Variants in ZNF219 observed in about 807,000 individuals in gnomAD.
ZNF219 encodes zinc finger protein 219.
In ZNF219, 17 loss-of-function variants were observed where a neutral mutation model predicts 54.4. The ratio of observed to expected loss-of-function variants is 0.31; its 90% confidence interval spans 0.21 to 0.47. The LOEUF is 0.47. ZNF219 is among the 20% of genes least tolerant of loss of function. ZNF219 has a pLI of 1.00. For missense variants in ZNF219, 1,014 were observed against 1,062.3 expected (o/e 0.95, Z 0.63); for synonymous variants, 518 against 476.4 (o/e 1.09, Z -1.14).
chr14:21,095,251 G>A (rs946181529), intron 1 of ZNF219, among the ~76,000 whole-genome samples: 1 of 152,126 alleles, frequency 6.6e-6, no homozygotes, highest in Non-Finnish European at 1.5e-5. Flanking sequence ...GTCACTAGAC[G>A]ACCTCCACTA....
chr14:21,093,024 G>GCCGCAGTGA lies in ZNF219; in HGVS notation c.264_272dup (p.Cys90_His92dup). ...GCAGAGCCCGCTGCGCCGCGCGGTG[G>GCCGCAGTGA]CCGCAGTGAGGGCACTGGAAGGCCT... On this transcript the variant is annotated inframe_insertion, in exon 3 of 5. Transcript: ENST00000360947. The GCCGCAGTGA allele has an allele frequency of 6.3e-7, 1 of 1,599,032 alleles. No individual in the cohort carries two copies. The highest frequency in any genetic ancestry group is 1.7e-4 in the Middle Eastern group (1 of 6,050).
chr14:21,102,636 G>A (rs1241410867), upstream of ZNF219: 1 of 1,551,296 alleles, frequency 6.4e-7, no homozygotes, highest in East Asian at 2.4e-5. Flanking sequence ...CCTGCAGCAT[G>A]CTGGCTTGCT....
intron 1 of ZNF219, chr14:21,093,970 A>G (rs1594600807): frequency 2.6e-6 from 1 of 384,816 alleles, no homozygotes; most frequent in South Asian, 2.2e-5. Context: ...CCATCACAAT[A>G]TGCCCCTCTC....
rs1169156944 is a variant in ZNF219, at chr14:21,092,257, G to A, written c.1040C>T (p.Pro347Leu). 6.8e-7 allele frequency: 1 copy of A among 1,472,014 alleles called. No homozygotes were observed. Among genetic ancestry groups the A allele is most frequent in the South Asian group, 1.4e-5 (1 of 73,840 alleles). 91.2% of individuals were successfully genotyped at this position (1,472,014 alleles called of 1,614,324 possible). A position where few individuals can be genotyped will look rare whatever the true frequency, so the allele number is the denominator to read the frequency against. The part of the protein sequence containing the change: ...ASGPARAPQP[P>L]DLGLLAYEPL... ...CTCATAGGCCAGCAGGCCGAGGTCAGGAGGCTGGGGGGCGCGGGCAGGCCC... is the reference window on the plus strand; with the variant it reads ...CTCATAGGCCAGCAGGCCGAGGTCAAGAGGCTGGGGGGCGCGGGCAGGCCC... The change falls in exon 3 of 5, where the codon CCT becomes CTT. Residue 347 changes from proline to leucine, a missense_variant. By Grantham distance (98) the Pro-to-Leu change is moderately conservative. Around this residue, in one of 5 missense-constraint regions of ZNF219, gnomAD observed 272 missense variants for 248.9 expected, o/e 1.09. Transcript: ENST00000360947.
rs1189016881 is a variant in ZNF219 at position 21,093,208 on chromosome 14, G to T, written c.89C>A (p.Ser30Tyr). 1.9e-6 allele frequency: 3 copies of T among 1,606,476 alleles called. No individual in the cohort carries two copies. ...FDGELDLQRY[S>Y]NGPAVSAGSL... ...CCCTGCGCTCACGGCTGGCCCGTTGGAGTATCGCTGCAGATCCAGCTCGCC... is the reference window on the plus strand; with the variant it reads ...CCCTGCGCTCACGGCTGGCCCGTTGTAGTATCGCTGCAGATCCAGCTCGCC... Residue 30 changes from serine to tyrosine, a missense_variant, in exon 3 of 5, where the codon TCC (serine) becomes TAC (tyrosine). Ser to Tyr is a moderately radical substitution (Grantham distance 144). This residue lies in a region of ZNF219 where 395 missense variants were observed against 415.1 expected (regional missense o/e 0.95). Transcript: ENST00000360947.
At chr14:21,093,873 T>C (rs1347534393) in intron 1 of ZNF219, 199 bp from the exon 2 acceptor site, 1 of 560,380 alleles carries the variant, frequency 1.8e-6, no homozygotes, top group Non-Finnish European at 3.2e-6. Flanking sequence ...TCCCAGATAA[T>C]CCAGATTTCT....
In ZNF219 at chr14:21,090,377, C is replaced by T. The variant is rs1888730142; in HGVS notation, c.*159G>A. On this transcript the variant is annotated 3_prime_UTR_variant, in exon 5 of 5. Transcript: ENST00000360947. The surrounding 1 kb of genome is among the most constrained non-coding windows in gnomAD (Gnocchi z 4.4). Reference sequence around the variant, plus strand: ...CCTTGGGCTGGGTGGGTACCGCCAGCCCACCCTCCTACGCCCGCCGCGCCT... The same window carrying T: ...CCTTGGGCTGGGTGGGTACCGCCAGTCCACCCTCCTACGCCCGCCGCGCCT... 1.1e-5 allele frequency: 11 copies of T among 1,021,532 alleles called. No individual in the cohort carries two copies. The highest frequency in any genetic ancestry group is 2.2e-4 in the Middle Eastern group (1 of 4,608). 63.3% of individuals were successfully genotyped at this position (1,021,532 alleles called of 1,614,324 possible).
chr14:21,095,398 T>C (rs1249073700), intron 1 of ZNF219, among the ~76,000 whole-genome samples: 2 of 152,200 alleles, frequency 1.3e-5, no homozygotes, highest in Non-Finnish European at 2.9e-5. Flanking sequence ...GACTGAAGGG[T>C]ACAAGGCTAT....
At chr14:21,102,702 C>T (rs1241043355), upstream of ZNF219, 2 of 1,551,574 alleles carry the variant, frequency 1.3e-6, no homozygotes, top group Admixed American at 2.0e-5. Flanking sequence ...GGTCTCAGTG[C>T]ACGCCCTATT....
upstream of ZNF219, chr14:21,098,912 G>C: frequency 8.0e-7 from 1 of 1,245,850 alleles, no homozygotes; most frequent in South Asian, 1.3e-5. Context: ...TACAATTTCT[G>C]TCTCTCTTTT....
rs369088892 is a variant in ZNF219 at position 21,091,180 on chromosome 14, G to A, written c.1565-40C>T. On this transcript the variant is annotated intron_variant, in intron 4 of 4. Coordinates refer to ENST00000360947, the MANE Select transcript of ZNF219 (RefSeq NM_016423.3). The stretch of plus-strand genomic sequence containing the variant: ...TGCGATAGGGTCACGGGGTCACGAT[G>A]ACTGCACGCACCCACCCGAATTTCG... The A allele has an allele frequency of 6.6e-5, 105 of 1,579,254 alleles. 1 individual carries two copies. In the East Asian group the frequency reaches 2.3e-3, roughly 35 times the overall value.
chr14:21,100,532 G>GAGATAGATAGATAGATAGAT (rs3062000), upstream of ZNF219, among the ~76,000 whole-genome samples: 6 of 150,116 alleles, frequency 4.0e-5, no homozygotes, highest in African/African-American at 1.2e-4. Flanking sequence ...TGAGGACCAT[G>GAGATAGATAGATAGATAGAT]AGATAGATAG....
At position 21,092,092 on chromosome 14, in the gene ZNF219, C is replaced by T. The variant is rs1284156303; in HGVS notation, c.1205G>A (p.Arg402His). Reference protein sequence around the residue: ...NGEGAEPGPGRSFGGFRPLSS... With the variant: ...NGEGAEPGPGHSFGGFRPLSS... ...CAGCGGGCGGAAGCCTCCGAAGCTG[C>T]GGCCGGGACCGGGCTCAGCACCCTC... Residue 402 changes from arginine to histidine, a missense_variant, in exon 3 of 5, where the codon CGC becomes CAC. By Grantham distance (29) the Arg-to-His change is conservative (BLOSUM62 0). Transcript: ENST00000360947. 2.0e-6 allele frequency: 3 copies of T among 1,533,990 alleles called. No individual in the cohort carries two copies. Among genetic ancestry groups the T allele is most frequent in the Non-Finnish European group, 2.6e-6 (3 of 1,141,002 alleles).
Position 21,091,142 on chromosome 14 carries a change from TG to T in ZNF219, c.1565-3del, listed in dbSNP as rs760294169. The T allele has an allele frequency of 6.3e-6, 10 of 1,594,320 alleles. No individual in the cohort carries two copies. Among genetic ancestry groups the T allele is most frequent in the Non-Finnish European group, 6.8e-6 (8 of 1,175,134 alleles). On this transcript the variant is annotated splice_polypyrimidine_tract_variant and splice_region_variant and intron_variant, in intron 4 of 4. Transcript: ENST00000360947. The stretch of plus-strand genomic sequence containing the variant: ...GCGGACACTTGTAGGGCCGCTCGCC[TG>T]GGGAGAGTGGGTGCGATAGGGTCAC...
At chr14:21,094,113 A>T (rs1206626255) in intron 1 of ZNF219, among the ~76,000 whole-genome samples, 2 of 152,208 alleles carry the variant, frequency 1.3e-5, no homozygotes, top group African/African-American at 4.8e-5. Context: ...CAGGTTCCAC[A>T]GTGCTTCCTT....
chr14:21,102,252 T>A, upstream of ZNF219: 1 of 1,409,982 alleles, frequency 7.1e-7, no homozygotes, highest in Admixed American at 2.3e-5. Flanking sequence ...CCTCAATCAC[T>A]GAGGAGGAAA....
intron 1 of ZNF219, 100 bp downstream of exon 1, chr14:21,098,212 C>A (rs1292065712): frequency 6.9e-6 from 1 of 145,256 alleles, no homozygotes; most frequent in Admixed American, 6.7e-5. Flanking sequence ...CCGAGCCGGG[C>A]GCGCTGAGCG....
In ZNF219 at chr14:21,092,740, T is replaced by C; in HGVS notation, c.557A>G (p.His186Arg). 1 of 1,584,930 alleles carries C rather than the reference T, an allele frequency of 6.3e-7. No individual in the cohort carries two copies. Among genetic ancestry groups the C allele is most frequent in the Non-Finnish European group, 8.6e-7 (1 of 1,165,842 alleles). ...AERERHLHIL[H>R]RPWKCGLCSF... ...GCACAGGCCGCACTTCCAGGGCCTA[T>C]GCAGGATGTGCAGGTGGCGTTCGCG... Residue 186 changes from histidine (H) to arginine (R), a missense_variant, in exon 3 of 5, where the codon CAT becomes CGT. This residue lies in a region of ZNF219 where 395 missense variants were observed against 415.1 expected (regional missense o/e 0.95). Coordinates refer to ENST00000360947, the MANE Select transcript of ZNF219 (RefSeq NM_016423.3).
At chr14:21,097,898 G>T (rs1256309311) in intron 1 of ZNF219, among the ~76,000 whole-genome samples, 3 of 151,784 alleles carry the variant, frequency 2.0e-5, no homozygotes, top group Admixed American at 6.5e-5. Flanking sequence ...TGGGCCGGGG[G>T]TTGGGGGGTG....
Sources: allele counts gnomAD v4.1 joint callset (sites outside exome capture counted in the v4.1 genomes callset), GRCh38; gene constraint gnomAD v4.1.1; regional missense constraint gnomAD v4.1.1; non-coding constraint Gnocchi (gnomAD v3.1); transcripts MANE v1.5; gene names NCBI Gene and HGNC (gene_info 2026-07-23, HGNC 2026-07-21).